MACROD1: variants seen among roughly 807,000 people sequenced by gnomAD.
The protein encoded by MACROD1 is ADP-ribose glycohydrolase MACROD1.
A neutral mutation model predicts 41.4 loss-of-function variants in MACROD1; 31 were observed. That is an observed-to-expected ratio of 0.75 (90% CI 0.56 to 1.01). The LOEUF is 1.01. MACROD1 is among the 50% of genes least tolerant of loss of function. The probability of loss-of-function intolerance (pLI) is 0.00; values close to 1 mark genes in which losing one functional copy is unlikely to be tolerated. For synonymous variants in MACROD1, 252 were observed against 203.4 expected (o/e 1.24, Z -2.03); for missense variants, 473 against 460.0 (o/e 1.03, Z -0.26).
chr11:64,057,410 A>G (rs921986833), intron 3 of MACROD1, among the ~76,000 whole-genome samples: 1 of 152,294 alleles, frequency 6.6e-6, no homozygotes. Flanking sequence ...AGTGACCCAC[A>G]TGGTGCCAGC....
intron 3 of MACROD1, among the ~76,000 whole-genome samples, chr11:64,133,758 C>T (rs1162328044): frequency 1.3e-5 from 2 of 152,236 alleles, no homozygotes; most frequent in East Asian, 1.9e-4. Context: ...TTGTAGGACC[C>T]TAGGGCACCC....
chr11:64,028,606 T>TCGGCAG (rs1265666875), intron 3 of MACROD1, among the ~76,000 whole-genome samples: 1 of 152,160 alleles, frequency 6.6e-6, no homozygotes, highest in African/African-American at 2.4e-5. Context: ...GAATCCCTCC[T>TCGGCAG]CGGCAGCGGC....
intron 3 of MACROD1, among the ~76,000 whole-genome samples, chr11:64,130,028 G>A (rs1466934419): frequency 6.6e-6 from 1 of 152,162 alleles, no homozygotes; most frequent in South Asian, 2.1e-4. Flanking sequence ...TGGCCCCAAA[G>A]AGCCCTGACA....
intron 3 of MACROD1, among the ~76,000 whole-genome samples, chr11:64,088,410 G>A (rs1389050622): frequency 6.6e-6 from 1 of 152,160 alleles, no homozygotes; most frequent in East Asian, 1.9e-4. Context: ...GTGGAAGGCC[G>A]GCACAAGCAT....
At chr11:64,103,069 C>CA (rs36005898) in intron 3 of MACROD1, 1,903 of 139,938 alleles carry the variant, frequency 0.014, 31 homozygotes, top group African/African-American at 0.043. Context: ...GACTCCATCT[C>CA]AAAAAAAAAA....
intron 3 of MACROD1, among the ~76,000 whole-genome samples, chr11:64,113,643 AT>A (rs1944905104): frequency 7.0e-6 from 1 of 142,874 alleles, no homozygotes; most frequent in Non-Finnish European, 1.5e-5. Flanking sequence ...GGATGGATGG[AT>A]GGATGGGCAG....
At chr11:64,136,932 G>A (rs987318696) in intron 3 of MACROD1, among the ~76,000 whole-genome samples, 1 of 152,194 alleles carries the variant, frequency 6.6e-6, no homozygotes, top group African/African-American at 2.4e-5. Context: ...GGGAGGGCTG[G>A]TGCGGGGCTG....
At chr11:64,078,008 C>T (rs1944235077) in intron 3 of MACROD1, among the ~76,000 whole-genome samples, 1 of 152,206 alleles carries the variant, frequency 6.6e-6, no homozygotes, top group Non-Finnish European at 1.5e-5. Flanking sequence ...GTCCCAGACG[C>T]TCTCCCCGTG....
At chr11:64,097,368 A>G (rs1284101056) in intron 3 of MACROD1, among the ~76,000 whole-genome samples, 3 of 152,170 alleles carry the variant, frequency 2.0e-5, no homozygotes, top group African/African-American at 7.2e-5. Flanking sequence ...ATGTGAAGGG[A>G]AGGAAGGAAG....
At position 64,064,160 on chromosome 11, in the gene MACROD1, G is replaced by A. The variant is rs1943953836; in HGVS notation, c.518-48879C>T. 6.6e-6 allele frequency among the ~76,000 whole-genome samples: 1 copy of A among 152,156 alleles called. No individual in the cohort carries two copies. Among genetic ancestry groups the A allele is most frequent in the Non-Finnish European group, 1.5e-5 (1 of 68,028 alleles). ...TCCCTTTCAGCATCTTCTCTCTCTT[G>A]TCTTCTGAGGACAGATGCAGGCTGG... is the stretch of plus-strand genomic sequence containing the variant. On this transcript the variant is annotated intron_variant, in intron 3 of 10. Coordinates refer to ENST00000255681, the MANE Select transcript of MACROD1 (RefSeq NM_014067.4). This position sits in a 1 kb window ranked among gnomAD's most constrained non-coding sequence, Gnocchi z 4.5.
rs951495557 is a variant in MACROD1, at chr11:64,090,775, C to T, written c.517+60464G>A. On this transcript the variant is annotated intron_variant, in intron 3 of 10. Transcript: ENST00000255681. The surrounding 1 kb of genome is among the most constrained non-coding windows in gnomAD (Gnocchi z 4.7). ...TAAAAGGGGGGCGGGGTGGCGGCGTCTCTCCACCAGGCACTTGGGGTTTGT... is the reference window on the plus strand; with the variant it reads ...TAAAAGGGGGGCGGGGTGGCGGCGTTTCTCCACCAGGCACTTGGGGTTTGT... 2.0e-5 allele frequency among the ~76,000 whole-genome samples: 3 copies of T among 152,054 alleles called. No homozygotes were observed. The highest frequency in any genetic ancestry group is 4.8e-5 in the African/African-American group (2 of 41,408).
intron 3 of MACROD1, among the ~76,000 whole-genome samples, chr11:64,101,353 G>A (rs1944667657): frequency 6.6e-6 from 1 of 152,176 alleles, no homozygotes; most frequent in Non-Finnish European, 1.5e-5. Flanking sequence ...TATGGGAAGG[G>A]TCTGAGGTGA....
chr11:64,101,853 C>T (rs145060449), intron 3 of MACROD1, among the ~76,000 whole-genome samples: 2 of 152,196 alleles, frequency 1.3e-5, no homozygotes, highest in Non-Finnish European at 2.9e-5. Context: ...CCTCCTTCTT[C>T]CTAGGGCAGC....
chr11:64,025,686 C>G (rs1460934716), intron 3 of MACROD1, among the ~76,000 whole-genome samples: 1 of 150,830 alleles, frequency 6.6e-6, no homozygotes, highest in African/African-American at 2.4e-5. Context: ...TTTATCTGGG[C>G]AGGCCCACAC....
At chr11:64,039,332 G>A (rs997206498) in intron 3 of MACROD1, among the ~76,000 whole-genome samples, 1 of 152,154 alleles carries the variant, frequency 6.6e-6, no homozygotes, top group Admixed American at 6.5e-5. Flanking sequence ...GCAGAGGAGA[G>A]CGCCAGCCTC....
At position 64,151,318 on chromosome 11, in the gene MACROD1, C is replaced by A; in HGVS notation, c.438G>T (p.Lys146Asn). The change falls in exon 3 of 11, where the codon AAG (lysine) becomes AAT (asparagine). Residue 146 changes from lysine to asparagine, a missense_variant. Lys to Asn is a moderately conservative substitution (Grantham distance 94). Coordinates refer to ENST00000255681, the MANE Select transcript of MACROD1 (RefSeq NM_014067.4). ...AVKVEEPRYK[K>N]DKQLNEKISL... ...AGATTTTCTCATTGAGCTGCTTGTC[C>A]TTTTTATACCTGGGCTCCTCCACCT... The A allele has an allele frequency of 6.2e-7, 1 of 1,613,914 alleles. No individual in the cohort carries two copies. The highest frequency in any genetic ancestry group is 8.5e-7 in the Non-Finnish European group (1 of 1,180,014).
intron 8 of MACROD1, 71 bp downstream of exon 8, chr11:63,999,260 C>G (rs111454282): frequency 6.6e-7 from 1 of 1,516,860 alleles, no homozygotes; most frequent in African/African-American, 1.4e-5. Context: ...CCCTGACTCC[C>G]TGGGCGATGA....
chr11:63,999,616 G>A (rs1260730293), intron 6 of MACROD1, 26 bp downstream of exon 6: 3 of 1,608,962 alleles, frequency 1.9e-6, no homozygotes, highest in East Asian at 2.2e-5. Context: ...CCCGCCTCCC[G>A]CCCTCCCCCG....
At chr11:64,162,084 G>A (rs1274890645) in intron 1 of MACROD1, among the ~76,000 whole-genome samples, 1 of 149,864 alleles carries the variant, frequency 6.7e-6, no homozygotes, top group African/African-American at 2.5e-5. Context: ...GCTCACACCT[G>A]TAACCTCAGC....
Sources: gnomAD v4.1 joint callset for allele counts (sites outside exome capture counted in the v4.1 genomes callset) on GRCh38, gnomAD v4.1.1 for gene constraint, Gnocchi (gnomAD v3.1) non-coding constraint, MANE v1.5 for transcripts, NCBI Gene and HGNC (gene_info 2026-07-23, HGNC 2026-07-21) for gene names.